DAB2: variants seen among roughly 807,000 people sequenced by gnomAD.
The protein encoded by DAB2 is disabled homolog 2.
DAB2 carries 28 observed loss-of-function variants against 71.6 expected under a neutral mutation model. The observed-to-expected ratio is 0.39, with a 90% CI of 0.29 to 0.54. The LOEUF (loss-of-function observed/expected upper bound fraction) is 0.54. Ranked by LOEUF, DAB2 falls within the 20% of genes least tolerant of loss-of-function variation. DAB2 has a pLI of 0.68. For missense variants in DAB2, 867 were observed against 928.8 expected (o/e 0.93, Z 0.86); for synonymous variants, 345 against 339.7 (o/e 1.02, Z -0.17).
chr5:39,395,301 G>A (rs925581030), intron 1 of DAB2, among the ~76,000 whole-genome samples: 1 of 152,156 alleles, frequency 6.6e-6, no homozygotes, highest in Admixed American at 6.5e-5. Context: ...CAAAGGCAAA[G>A]AAAAGCTATT....
At chr5:39,386,005 G>T (rs1311656685) in intron 9 of DAB2, among the ~76,000 whole-genome samples, 1 of 152,148 alleles carries the variant, frequency 6.6e-6, no homozygotes, top group Non-Finnish European at 1.5e-5. Context: ...TGTACACAAG[G>T]ACATAAGTGA....
At chr5:39,380,149 AC>A (rs1442020616) in intron 11 of DAB2, among the ~76,000 whole-genome samples, 2 of 152,186 alleles carry the variant, frequency 1.3e-5, no homozygotes. Context: ...GAAAAGAGCA[AC>A]GCAGAAAGGG....
At position 39,389,139 on chromosome 5, in the gene DAB2, C is replaced by G; in HGVS notation, c.544-16G>C. 3.7e-6 allele frequency: 6 copies of G among 1,604,244 alleles called. No individual in the cohort carries two copies. The highest frequency in any genetic ancestry group is 5.1e-6 in the Non-Finnish European group (6 of 1,171,932). On this transcript the variant is annotated splice_polypyrimidine_tract_variant and intron_variant, in intron 6 of 14. Coordinates refer to ENST00000320816, the MANE Select transcript of DAB2 (RefSeq NM_001343.4). ...CTTCCTCTATCTAAAAAGAAAGATA[C>G]ATATTCAGTGATCTTCATATTCATA...
At chr5:39,401,970 G>A (rs1755512932) in intron 1 of DAB2, among the ~76,000 whole-genome samples, 2 of 151,948 alleles carry the variant, frequency 1.3e-5, no homozygotes, top group Admixed American at 1.3e-4. Context: ...GAGGTTTAAC[G>A]GACTCACAGT....
chr5:39,375,067 A>G lies in DAB2; in HGVS notation c.2265T>C (p.Pro755=). ...GATCCCTATACATCTCAGAAGATACAGGTTGAGAAGAAGCCACCTAAGAAG... is the reference window on the plus strand; with the variant it reads ...GATCCCTATACATCTCAGAAGATACGGGTTGAGAAGAAGCCACCTAAGAAG... The part of the protein sequence containing the change: ...SSQASVASSQ[P]VSSEMYRDPF... Residue 755 remains proline (P), a synonymous_variant, in exon 14 of 15, where the codon CCT becomes CCC. Transcript: ENST00000320816. The G allele has an allele frequency of 6.2e-7, 1 of 1,610,716 alleles. No individual in the cohort carries two copies. Among genetic ancestry groups the G allele is most frequent in the East Asian group, 2.2e-5 (1 of 44,760 alleles).
Position 39,382,879 on chromosome 5 carries a change from C to A in DAB2, c.1080G>T (p.Gln360His). The A allele has an allele frequency of 6.2e-7, 1 of 1,614,122 alleles. No individual in the cohort carries two copies. Residue 360 changes from glutamine (Q) to histidine (H), a missense_variant, in exon 10 of 15, where the codon CAG (glutamine) becomes CAT (histidine). Gln to His is a conservative substitution (Grantham distance 24). This residue lies in a region of DAB2 where 740 missense variants were observed against 734.3 expected (regional missense o/e 1.01). Coordinates refer to ENST00000320816, the MANE Select transcript of DAB2 (RefSeq NM_001343.4). ...ISNRTGKQEAQAGPWPFSSSQ... is the reference protein window; with the variant it reads ...ISNRTGKQEAHAGPWPFSSSQ... Reference sequence around the variant, plus strand: ...AACTTGAAAAGGGCCATGGGCCTGCCTGAGCTTCCTGTTTGCCAGTCCGGT... The same window carrying A: ...AACTTGAAAAGGGCCATGGGCCTGCATGAGCTTCCTGTTTGCCAGTCCGGT...
intron 4 of DAB2, among the ~76,000 whole-genome samples, chr5:39,390,941 A>C (rs1021799318): frequency 1.3e-5 from 2 of 152,308 alleles, no homozygotes; most frequent in East Asian, 3.9e-4. Flanking sequence ...CTCAAAGACA[A>C]ACTTAAAAGA....
chr5:39,378,243 C>T (rs1360194230), intron 11 of DAB2, among the ~76,000 whole-genome samples: 1 of 152,216 alleles, frequency 6.6e-6, no homozygotes, highest in Non-Finnish European at 1.5e-5. Flanking sequence ...GAGAGGCTCG[C>T]TCCCTGCATC....
chr5:39,401,335 C>G (rs997912584), intron 1 of DAB2, among the ~76,000 whole-genome samples: 1 of 152,176 alleles, frequency 6.6e-6, no homozygotes, highest in East Asian at 1.9e-4. Context: ...GTATCATTGC[C>G]TTTAATCTTT....
chr5:39,388,759 G>A (rs1052878931), intron 8 of DAB2, 40 bp downstream of exon 8: 1 of 1,539,476 alleles, frequency 6.5e-7, no homozygotes. Flanking sequence ...CCCATGTTCA[G>A]ATAAGTAAGA....
At chr5:39,424,612 A>G (rs1345499955) in intron 1 of DAB2, among the ~76,000 whole-genome samples, 192 bp downstream of exon 1, 1 of 146,642 alleles carries the variant, frequency 6.8e-6, no homozygotes, top group Non-Finnish European at 1.5e-5. Context: ...AGCATTCCTC[A>G]GATGTCAGGC....
chr5:39,408,429 AT>A (rs1268352648), intron 1 of DAB2: 5 of 152,172 alleles, frequency 3.3e-5, no homozygotes, highest in Non-Finnish European at 7.3e-5. Flanking sequence ...GCTGGGTCAC[AT>A]TTCCACATCT....
chr5:39,416,212 C>T (rs1371779123), intron 1 of DAB2, among the ~76,000 whole-genome samples: 2 of 152,046 alleles, frequency 1.3e-5, no homozygotes, highest in African/African-American at 4.8e-5. Context: ...CTTTTCTACA[C>T]ACATAGCATA....
chr5:39,424,519 A>G (rs1756060425), intron 1 of DAB2, among the ~76,000 whole-genome samples: 1 of 120,208 alleles, frequency 8.3e-6, no homozygotes. Flanking sequence ...ACACACACAC[A>G]CACGACACAA....
intron 1 of DAB2, among the ~76,000 whole-genome samples, chr5:39,406,363 T>C (rs1755611080): frequency 6.6e-6 from 1 of 152,152 alleles, no homozygotes; most frequent in Admixed American, 6.5e-5. Flanking sequence ...TACTGAGCAC[T>C]TCCCATACCT....
chr5:39,383,392 C>T (rs1446478936), intron 9 of DAB2, 121 bp from the exon 10 acceptor site: 21 of 814,466 alleles, frequency 2.6e-5, no homozygotes, highest in Middle Eastern at 6.4e-4. Context: ...CTTGATAAAT[C>T]GGTTGATCAT....
intron 1 of DAB2, among the ~76,000 whole-genome samples, chr5:39,420,102 G>C (rs1755944384): frequency 1.3e-5 from 2 of 152,200 alleles, no homozygotes; most frequent in Non-Finnish European, 2.9e-5. Context: ...GTCCCCAGCT[G>C]ATGTTGATGC....
Position 39,422,926 on chromosome 5 carries a change from A to G in DAB2, c.-102+1878T>C, listed in dbSNP as rs1360121201. On this transcript the variant is annotated intron_variant, in intron 1 of 14. Coordinates refer to ENST00000320816, the MANE Select transcript of DAB2 (RefSeq NM_001343.4). This position sits in a 1 kb window ranked among gnomAD's most constrained non-coding sequence, Gnocchi z 4.1. ...CAAACTCTGGAGTTTGCCCTTCACA[A>G]ATTAGACAAGGTTTGTAACAAGTGC... is the stretch of plus-strand genomic sequence containing the variant. 6.6e-6 allele frequency among the ~76,000 whole-genome samples: 1 copy of G among 152,184 alleles called. No individual in the cohort carries two copies. The highest frequency in any genetic ancestry group is 2.4e-5 in the African/African-American group (1 of 41,452).
intron 8 of DAB2, 68 bp from the exon 9 acceptor site, chr5:39,388,435 ATT>A: frequency 9.0e-7 from 1 of 1,107,240 alleles, no homozygotes; most frequent in Non-Finnish European, 1.4e-6. Flanking sequence ...TATTGTAATC[ATT>A]TGTTTCCTAA....
Sources: gnomAD v4.1 joint callset for allele counts (sites outside exome capture counted in the v4.1 genomes callset) on GRCh38, gnomAD v4.1.1 for gene constraint, gnomAD v4.1.1 regional missense constraint, Gnocchi (gnomAD v3.1) non-coding constraint, MANE v1.5 for transcripts, NCBI Gene and HGNC (gene_info 2026-07-23, HGNC 2026-07-21) for gene names.